ARHGAP29: variants seen among roughly 807,000 people sequenced by gnomAD.
The protein encoded by ARHGAP29 is rho GTPase-activating protein 29.
In ARHGAP29, 43 loss-of-function variants were observed where a neutral mutation model predicts 122.6. The ratio of observed to expected loss-of-function variants is 0.35; its 90% CI spans 0.27 to 0.45. ARHGAP29 has a LOEUF of 0.45. ARHGAP29 is among the 20% of genes least tolerant of loss of function. ARHGAP29 has a pLI of 1.00. For synonymous variants in ARHGAP29, 506 were observed against 497.1 expected, an observed-to-expected ratio of 1.02 and a Z score of -0.24; for missense variants, 1,303 against 1,477.2, an observed-to-expected ratio of 0.88 and a Z score of 1.93.
intron 22 of ARHGAP29, chr1:94,177,184 C>CA (rs147644555): frequency 3.3e-5 from 5 of 151,764 alleles, no homozygotes; most frequent in Admixed American, 1.3e-4. Flanking sequence ...AAAAGCATGT[C>CA]AAAAAAAAAG....
In ARHGAP29 at chr1:94,169,058, A is replaced by T. The variant is rs865847211; in HGVS notation, c.*4811T>A. Among the ~76,000 whole-genome samples, 1 of 152,356 alleles carries T rather than the reference A, an allele frequency of 6.6e-6. No homozygotes were observed. The highest frequency in any genetic ancestry group is 2.4e-5 in the African/African-American group (1 of 41,588). ...TAAAAATTGTTACAGCCAAGACCAA[A>T]AAGTGAGAACCACAATTCAATATTT... On this transcript the variant is annotated 3_prime_UTR_variant, in exon 23 of 23. Transcript: ENST00000260526.
intron 1 of ARHGAP29, among the ~76,000 whole-genome samples, chr1:94,251,840 C>CT (rs565369486): frequency 2.8e-4 from 42 of 152,292 alleles, no homozygotes; most frequent in Non-Finnish European, 5.4e-4. Flanking sequence ...CTTCCTTACT[C>CT]TGCTTTAATT....
Position 94,174,762 on chromosome 1 carries a change from G to A in ARHGAP29, c.2906-13C>T. ...AACTGTGCTTTGTCTGAAAATGAAA[G>A]AAATCTATTTAAGTTTGTGGCACAT... On this transcript the variant is annotated splice_polypyrimidine_tract_variant and intron_variant, in intron 22 of 22. Transcript: ENST00000260526. The A allele has an allele frequency of 1.2e-6, 2 of 1,608,266 alleles. No homozygotes were observed. The highest frequency in any genetic ancestry group is 1.7e-6 in the Non-Finnish European group (2 of 1,177,512).
intron 2 of ARHGAP29, among the ~76,000 whole-genome samples, chr1:94,230,029 A>G (rs189934369): frequency 3.8e-4 from 57 of 151,864 alleles, no homozygotes; most frequent in Admixed American, 1.4e-3. Context: ...ATCAGGTTTT[A>G]CACCTTAAAT....
Position 94,184,922 on chromosome 1 carries a change from T to G in ARHGAP29, c.2059A>C (p.Ile687Leu), listed in dbSNP as rs763023340. 1 of 1,613,268 alleles carries G rather than the reference T, an allele frequency of 6.2e-7. No individual in the cohort carries two copies. Among genetic ancestry groups the G allele is most frequent in the Non-Finnish European group, 8.5e-7 (1 of 1,179,672 alleles). The change falls in exon 18 of 23, where the codon ATA becomes CTA. Residue 687 changes from isoleucine to leucine, a missense_variant. Physicochemically the swap from Ile to Leu is conservative, Grantham distance 5. Around this residue, in one of 3 missense-constraint regions of ARHGAP29, gnomAD observed 91 missense variants for 177.8 expected, o/e 0.51. Transcript: ENST00000260526. ...AKKEPDGIPFILKICASEIEN... is the reference protein window; with the variant it reads ...AKKEPDGIPFLLKICASEIEN... ...ATCTCTGAGGCACATATTTTGAGTA[T>G]AAAAGGGATACCATCTGGTTCCTTT...
At chr1:94,209,420 C>A in intron 3 of ARHGAP29, 70 bp from the exon 4 acceptor site, 1 of 923,256 alleles carries the variant, frequency 1.1e-6, no homozygotes, top group Middle Eastern at 3.3e-4. Flanking sequence ...ATCATTTAAT[C>A]CTTTAAAACT....
At chr1:94,236,982 CTG>C (rs1653315116) in intron 1 of ARHGAP29, among the ~76,000 whole-genome samples, 1 of 152,198 alleles carries the variant, frequency 6.6e-6, no homozygotes. Context: ...AACCACTAGT[CTG>C]TGTGCTTGGG....
chr1:94,279,183 C>G (rs1036861063), upstream of ARHGAP29, among the ~76,000 whole-genome samples: 4 of 152,186 alleles, frequency 2.6e-5, no homozygotes, highest in Non-Finnish European at 4.4e-5. Context: ...TGGTTCCCAA[C>G]AAGCAGCTGT....
At chr1:94,195,394 AATGTTTTCTTC>A (rs1650392257) in intron 12 of ARHGAP29, 1 of 152,184 alleles carries the variant, frequency 6.6e-6, no homozygotes, top group African/African-American at 2.4e-5. Flanking sequence ...TTTCCTTCAC[AATGTTTTCTTC>A]AGAAAACATT....
At chr1:94,249,996 A>G (rs551802562) in intron 1 of ARHGAP29, among the ~76,000 whole-genome samples, 1 of 138,324 alleles carries the variant, frequency 7.2e-6, no homozygotes, top group South Asian at 2.5e-4. Context: ...AAATTCTTCC[A>G]GTGTGATTTT....
upstream of ARHGAP29, chr1:94,237,757 C>T (rs894354196): frequency 3.0e-6 from 3 of 985,316 alleles, no homozygotes; most frequent in African/African-American, 3.5e-5. Flanking sequence ...TGCGCGCGGC[C>T]GGACGCTGTC....
chr1:94,266,836 G>A lies in ARHGAP29; in HGVS notation c.-33+8176C>T, dbSNP rs978964250. On this transcript the variant is annotated intron_variant and NMD_transcript_variant, in intron 1 of 25. Coordinates refer to the ARHGAP29 transcript ENST00000552844. The stretch of plus-strand genomic sequence containing the variant: ...ACACATACACAAATCAACTATTTGC[G>A]AAAACCAATCATTATCTCCTAAAGG... Among the ~76,000 whole-genome samples the A allele has an allele frequency of 5.3e-5, 8 of 152,114 alleles. 1 individual carries two copies. The highest frequency in any genetic ancestry group is 5.2e-4 in the Admixed American group (8 of 15,268).
the ARHGAP29 span, among the ~76,000 whole-genome samples, chr1:94,300,251 T>C: frequency 6.6e-6 from 1 of 152,170 alleles, no homozygotes; most frequent in Admixed American, 6.5e-5. Context: ...GATGAATACA[T>C]GAGCAGAGTC....
In ARHGAP29 at chr1:94,196,256, C is replaced by T. The variant is rs79671353; in HGVS notation, c.1281+5464G>A. ...TTAGTTTCGATTTTTCCGTGTTTTT[C>T]TTTTTTTTTTTTTTTTTTTTTTTGA... On this transcript the variant is annotated intron_variant, in intron 12 of 22. Coordinates refer to ENST00000260526, the MANE Select transcript of ARHGAP29 (RefSeq NM_004815.4). Among the ~76,000 whole-genome samples the T allele has an allele frequency of 2.0e-3, 183 of 91,126 alleles. 2 individuals are homozygous for T. The highest frequency in any genetic ancestry group is 6.6e-3 in the African/African-American group (150 of 22,608). The allele number at this position is 91,126 out of a possible 152,430, so 59.8% of individuals were successfully genotyped here. A position where few individuals can be genotyped will look rare whatever the true frequency, so the allele number is the denominator to read the frequency against.
At chr1:94,298,836 A>G in the ARHGAP29 span, among the ~76,000 whole-genome samples, 5 of 152,234 alleles carry the variant, frequency 3.3e-5, no homozygotes, top group Non-Finnish European at 5.9e-5. Context: ...ACAAAACATT[A>G]AAAAACTTAG....
At chr1:94,184,423 T>G (rs775384802) in intron 18 of ARHGAP29, 135 bp from the exon 19 acceptor site, 9 of 728,836 alleles carry the variant, frequency 1.2e-5, no homozygotes, top group Non-Finnish European at 1.9e-5. Flanking sequence ...AAAAAACTAT[T>G]CAAGGCCAAA....
chr1:94,189,267 T>A lies in ARHGAP29; in HGVS notation c.1525A>T (p.Ser509Cys). ...SLEDVVRLPD[S>C]SNKIEEDRCS... Reference sequence around the variant, plus strand: ...CTGTCCTCTTCAATTTTATTAGAACTGTCAGGAAGGCGTACAACATCCTCT... The same window carrying A: ...CTGTCCTCTTCAATTTTATTAGAACAGTCAGGAAGGCGTACAACATCCTCT... Residue 509 changes from serine to cysteine, a missense_variant, in exon 14 of 23, where the codon AGT (serine) becomes TGT (cysteine). Coordinates refer to ENST00000260526, the MANE Select transcript of ARHGAP29 (RefSeq NM_004815.4). 6.2e-7 allele frequency: 1 copy of A among 1,613,228 alleles called. No individual in the cohort carries two copies. Among genetic ancestry groups the A allele is most frequent in the East Asian group, 2.2e-5 (1 of 44,838 alleles).
At chr1:94,229,820 AT>A (rs1395102673) in intron 2 of ARHGAP29, among the ~76,000 whole-genome samples, 4 of 151,376 alleles carry the variant, frequency 2.6e-5, no homozygotes, top group Non-Finnish European at 3.0e-5. Context: ...TCTTATAAAA[AT>A]TTTTTTTGGA....
At chr1:94,174,881 C>G in intron 22 of ARHGAP29, 132 bp from the exon 23 acceptor site, 1 of 1,029,044 alleles carries the variant, frequency 9.7e-7, no homozygotes, top group Non-Finnish European at 1.4e-6. Flanking sequence ...TTCTCAGTTA[C>G]CTATGTGGAG....
Sources: gnomAD v4.1 joint callset for allele counts (sites outside exome capture counted in the v4.1 genomes callset) on GRCh38, gnomAD v4.1.1 for gene constraint, gnomAD v4.1.1 regional missense constraint, MANE v1.5 for transcripts, NCBI Gene and HGNC (gene_info 2026-07-23, HGNC 2026-07-21) for gene names.